Variants in SCMH1 observed in about 807,000 individuals in gnomAD.
SCMH1 encodes Scm polycomb group protein homolog 1, also known as polycomb protein SCMH1.
In SCMH1, 37 loss-of-function variants were observed where a neutral mutation model predicts 70.8. The observed-to-expected ratio is 0.52, with a 90% confidence interval of 0.40 to 0.69. SCMH1 has a LOEUF of 0.69. Ranked by LOEUF, SCMH1 falls within the 30% of genes least tolerant of loss-of-function variation. The pLI, the probability that SCMH1 is intolerant of heterozygous loss-of-function variation, is 0.00. For missense variants in SCMH1, 607 were observed against 827.3 expected, an observed-to-expected ratio of 0.73 and a Z score of 3.27; for synonymous variants, 292 against 307.4, an observed-to-expected ratio of 0.95 and a Z score of 0.52.
At chr1:41,067,829 T>C (rs1275371307) in intron 10 of SCMH1, among the ~76,000 whole-genome samples, 1 of 152,180 alleles carries the variant, frequency 6.6e-6, no homozygotes, top group Non-Finnish European at 1.5e-5. Context: ...TCAATGTAAA[T>C]TCATCAATTC....
At chr1:41,042,389 C>G (rs1646302172) in intron 12 of SCMH1, among the ~76,000 whole-genome samples, 1 of 152,030 alleles carries the variant, frequency 6.6e-6, no homozygotes, top group Admixed American at 6.6e-5. Context: ...GCTGGGATTA[C>G]AAGCATGCAC....
At chr1:41,105,200 G>A (rs1667602161) in intron 8 of SCMH1, among the ~76,000 whole-genome samples, 1 of 151,972 alleles carries the variant, frequency 6.6e-6, no homozygotes, top group Admixed American at 6.6e-5. Context: ...TGGTCCTCAG[G>A]TGATCCACCT....
At chr1:41,222,649 A>G (rs1315074387) in intron 1 of SCMH1, among the ~76,000 whole-genome samples, 4 of 152,102 alleles carry the variant, frequency 2.6e-5, no homozygotes, top group Non-Finnish European at 5.9e-5. Flanking sequence ...CTGGCACCCT[A>G]AAGCCTTTTT....
intron 2 of SCMH1, among the ~76,000 whole-genome samples, chr1:41,165,434 C>A (rs1020720630): frequency 3.9e-5 from 6 of 152,022 alleles, no homozygotes; most frequent in Admixed American, 3.9e-4. Context: ...TATGGTAATT[C>A]TATTTTCAGT....
chr1:41,046,480 G>A (rs372143182), exon 12 of SCMH1: 2 of 1,614,202 alleles, frequency 1.2e-6, no homozygotes, highest in African/African-American at 1.3e-5. Flanking sequence ...TAAAGGGCTG[G>A]TTGCCAAACA....
At chr1:41,153,212 T>C (rs1645225621) in intron 4 of SCMH1, among the ~76,000 whole-genome samples, 1 of 152,346 alleles carries the variant, frequency 6.6e-6, no homozygotes, top group Non-Finnish European at 1.5e-5. Context: ...AGCAGCACTG[T>C]CCAATAAAAC....
intron 10 of SCMH1, among the ~76,000 whole-genome samples, chr1:41,055,620 C>A (rs1490191922): frequency 2.0e-5 from 3 of 152,268 alleles, no homozygotes; most frequent in Non-Finnish European, 4.4e-5. Flanking sequence ...GCGTGAGCCA[C>A]CGCGCCCGGC....
chr1:41,066,872 G>C (rs1654780952), intron 10 of SCMH1, among the ~76,000 whole-genome samples: 1 of 152,118 alleles, frequency 6.6e-6, no homozygotes, highest in Non-Finnish European at 1.5e-5. Context: ...TTACAGGCAT[G>C]AGCCACTGTG....
chr1:41,097,912 T>C lies in SCMH1; in HGVS notation c.745+15371A>G, dbSNP rs911012826. ...TAAGCCGTGCTATTCTTTCACCTTG[T>C]CTGATTTCAGTTTCTTGACATAGTC... On this transcript the variant is annotated intron_variant, in intron 8 of 14. Transcript: ENST00000337495. Among the ~76,000 whole-genome samples, 5 of 152,374 alleles carry C rather than the reference T, an allele frequency of 3.3e-5. No homozygotes were observed. The East Asian group carries it at 9.6e-4, about 29-fold the overall frequency.
exon 2 of SCMH1, chr1:41,186,215 T>C: frequency 1.3e-6 from 1 of 788,254 alleles, no homozygotes; most frequent in Non-Finnish European, 2.2e-6. Context: ...CTCTGACTTC[T>C]GACAAGTCAG....
intron 8 of SCMH1, among the ~76,000 whole-genome samples, chr1:41,090,648 C>A (rs1663147263): frequency 6.6e-6 from 1 of 151,858 alleles, no homozygotes; most frequent in Non-Finnish European, 1.5e-5. Context: ...ATATGTATAA[C>A]AATTACATAC....
intron 12 of SCMH1, among the ~76,000 whole-genome samples, chr1:41,040,250 G>T (rs1007006399): frequency 1.2e-4 from 18 of 152,132 alleles, no homozygotes; most frequent in African/African-American, 4.3e-4. Context: ...TACATGCAGA[G>T]GTAAACAAAT....
At chr1:41,077,463 T>C (rs35190461) in intron 8 of SCMH1, among the ~76,000 whole-genome samples, 16,514 of 152,198 alleles carry the variant, frequency 0.11, 1,276 homozygotes, top group East Asian at 0.28. Context: ...AAATCTCCTA[T>C]AATCTTGTGG....
intron 6 of SCMH1, among the ~76,000 whole-genome samples, chr1:41,129,245 G>A (rs72663794): frequency 6.6e-6 from 1 of 152,152 alleles, no homozygotes; most frequent in Non-Finnish European, 1.5e-5. Flanking sequence ...AAAGTGTACA[G>A]TTCTGTGACA....
At chr1:41,164,376 AT>A (rs1646270360) in intron 2 of SCMH1, among the ~76,000 whole-genome samples, 1 of 152,006 alleles carries the variant, frequency 6.6e-6, no homozygotes, top group Admixed American at 6.6e-5. Context: ...AAAAAAAAAA[AT>A]TCGTATCTTT....
intron 8 of SCMH1, among the ~76,000 whole-genome samples, chr1:41,088,658 T>C (rs994453943): frequency 1.3e-5 from 2 of 152,002 alleles, no homozygotes; most frequent in Non-Finnish European, 2.9e-5. Flanking sequence ...GTGTTTTAAA[T>C]GAATAACATA....
chr1:41,233,593 T>C (rs1177864241), intron 1 of SCMH1, among the ~76,000 whole-genome samples: 2 of 152,234 alleles, frequency 1.3e-5, no homozygotes, highest in African/African-American at 2.4e-5. Context: ...ACAGAACTGA[T>C]AGACTGAATC....
At chr1:41,191,974 T>C (rs1488415624) in intron 1 of SCMH1, among the ~76,000 whole-genome samples, 2 of 152,172 alleles carry the variant, frequency 1.3e-5, no homozygotes, top group Non-Finnish European at 2.9e-5. Flanking sequence ...ATATCTCAAT[T>C]GGATATACCA....
intron 1 of SCMH1, among the ~76,000 whole-genome samples, chr1:41,208,191 C>A (rs1656034742): frequency 9.1e-6 from 1 of 109,716 alleles, no homozygotes. Flanking sequence ...AAACCAAACA[C>A]CGCATATTCT....
Sources: gnomAD v4.1 joint callset for allele counts (sites outside exome capture counted in the v4.1 genomes callset) on GRCh38, gnomAD v4.1.1 for gene constraint, MANE v1.5 for transcripts, NCBI Gene and HGNC (gene_info 2026-07-23, HGNC 2026-07-21) for gene names.